The following AATF variants were observed in gnomAD, a reference collection of about 807,000 sequenced individuals.
AATF encodes the protein protein AATF.
AATF carries 48 observed loss-of-function variants against 63.7 expected under a neutral mutation model. The ratio of observed to expected loss-of-function variants is 0.75; its 90% confidence interval spans 0.60 to 0.96. AATF has a LOEUF of 0.96. AATF is among the 40% of genes least tolerant of loss of function. AATF has a pLI of 0.00. For missense variants in AATF, 639 were observed against 685.7 expected, an observed-to-expected ratio of 0.93 and a Z score of 0.76; for synonymous variants, 258 against 247.7, an observed-to-expected ratio of 1.04 and a Z score of -0.39.
intron 8 of AATF, among the ~76,000 whole-genome samples, chr17:37,001,021 CAAAGAAGAAAT>C (rs1238777650): frequency 6.6e-6 from 1 of 152,028 alleles, no homozygotes; most frequent in East Asian, 1.9e-4. Context: ...TAAAACATCA[CAAAGAAGAAAT>C]TACAGGCTGT....
chr17:36,991,646 C>T (rs1273435303), intron 8 of AATF, among the ~76,000 whole-genome samples: 1 of 148,838 alleles, frequency 6.7e-6, no homozygotes, highest in Non-Finnish European at 1.5e-5. Flanking sequence ...AGTGCAGTGG[C>T]GCAATCTCGG....
intron 11 of AATF, among the ~76,000 whole-genome samples, chr17:37,043,445 T>C (rs968192912): frequency 3.3e-5 from 5 of 152,164 alleles, no homozygotes; most frequent in African/African-American, 1.2e-4. Flanking sequence ...CCACCCCCAC[T>C]GAGCTTTCTT....
chr17:37,036,088 C>G (rs2142306837), intron 11 of AATF, among the ~76,000 whole-genome samples: 1 of 152,292 alleles, frequency 6.6e-6, no homozygotes. Flanking sequence ...CCACACTCCA[C>G]TAATTTTAAT....
intron 8 of AATF, among the ~76,000 whole-genome samples, chr17:37,011,436 G>C (rs1019966581): frequency 1.3e-5 from 2 of 152,302 alleles, no homozygotes; most frequent in South Asian, 4.1e-4. Flanking sequence ...GGTGGAGGCA[G>C]CGGAGATGGA....
intron 8 of AATF, among the ~76,000 whole-genome samples, chr17:37,003,707 T>C (rs1386672784): frequency 2.0e-5 from 3 of 151,242 alleles, no homozygotes; most frequent in Admixed American, 6.6e-5. Flanking sequence ...TCTCAAGTGA[T>C]CTGACTGCCT....
intron 8 of AATF, among the ~76,000 whole-genome samples, chr17:37,003,153 A>G (rs1015636605): frequency 6.6e-6 from 1 of 152,188 alleles, no homozygotes; most frequent in Admixed American, 6.5e-5. Flanking sequence ...TTACATTTAT[A>G]GTTCATTGAT....
chr17:37,046,284 G>A (rs73982206), intron 11 of AATF, among the ~76,000 whole-genome samples: 11,869 of 152,090 alleles, frequency 0.078, 1,576 homozygotes, highest in African/African-American at 0.27. Flanking sequence ...GGTCCTTCAC[G>A]CGGAGGAGAC....
chr17:37,029,326 C>T (rs2071534842), intron 10 of AATF, among the ~76,000 whole-genome samples: 1 of 152,046 alleles, frequency 6.6e-6, no homozygotes, highest in Non-Finnish European at 1.5e-5. Flanking sequence ...TCACTGCACC[C>T]TCTGCCTCCT....
intron 2 of AATF, 117 bp downstream of exon 2, chr17:36,950,522 A>G: frequency 1.8e-6 from 2 of 1,088,384 alleles, no homozygotes; most frequent in Non-Finnish European, 2.6e-6. Context: ...TTTTTGAGAC[A>G]GAGTTTGGCT....
At chr17:37,055,974 G>T (rs1363413999) in intron 11 of AATF, 1 of 152,280 alleles carries the variant, frequency 6.6e-6, no homozygotes, top group Non-Finnish European at 1.5e-5. Context: ...GAGTTTGAAA[G>T]TGGTCATTTA....
At chr17:36,954,980 T>C (rs941870781) in intron 4 of AATF, among the ~76,000 whole-genome samples, 2 of 152,150 alleles carry the variant, frequency 1.3e-5, no homozygotes, top group Non-Finnish European at 2.9e-5. Flanking sequence ...TATAGATATA[T>C]ATGTATAGAT....
At chr17:37,033,690 C>T (rs1266600914) in intron 11 of AATF, 1 of 154,216 alleles carries the variant, frequency 6.5e-6, no homozygotes, top group African/African-American at 2.4e-5. Flanking sequence ...ATCTTTGTGA[C>T]AGGATAATTC....
intron 4 of AATF, among the ~76,000 whole-genome samples, chr17:36,961,762 C>T (rs2070949177): frequency 6.6e-6 from 1 of 151,948 alleles, no homozygotes; most frequent in Non-Finnish European, 1.5e-5. Flanking sequence ...CAACCTCTGC[C>T]CCGCCGGGTT....
At chr17:37,047,012 G>A (rs1348871311) in intron 11 of AATF, among the ~76,000 whole-genome samples, 5 of 152,234 alleles carry the variant, frequency 3.3e-5, no homozygotes, top group South Asian at 4.1e-4. Context: ...TGCGGGGACC[G>A]TGGTGGCTTG....
intron 8 of AATF, chr17:36,998,826 A>C (rs1192897272): frequency 6.6e-6 from 1 of 152,248 alleles, no homozygotes; most frequent in African/African-American, 2.4e-5. Context: ...AGAAGAGTGA[A>C]TATCTATGCA....
intron 4 of AATF, among the ~76,000 whole-genome samples, chr17:36,972,188 T>G (rs1031612669): frequency 1.5e-4 from 23 of 152,122 alleles, no homozygotes; most frequent in African/African-American, 5.6e-4. Flanking sequence ...ATAGTGTCAT[T>G]TTTGCTTGAA....
At chr17:36,987,857 G>A (rs982912132) in intron 5 of AATF, among the ~76,000 whole-genome samples, 25 of 152,318 alleles carry the variant, frequency 1.6e-4, no homozygotes, top group Middle Eastern at 3.4e-3. Context: ...GATTAAGGTC[G>A]TAGAAATATG....
chr17:37,018,200 C>T (rs2071442511), intron 8 of AATF, among the ~76,000 whole-genome samples: 1 of 152,152 alleles, frequency 6.6e-6, no homozygotes, highest in African/African-American at 2.4e-5. Context: ...CTTCTCTTCG[C>T]CCAAGGACTT....
At chr17:37,030,355 TA>T (rs1179238042) in intron 10 of AATF, among the ~76,000 whole-genome samples, 1 of 152,224 alleles carries the variant, frequency 6.6e-6, no homozygotes, top group Non-Finnish European at 1.5e-5. Flanking sequence ...AAAATGTTCC[TA>T]AAACTTTAAA....
Sources: allele counts gnomAD v4.1 joint callset (sites outside exome capture counted in the v4.1 genomes callset), GRCh38; gene constraint gnomAD v4.1.1; transcripts MANE v1.5; gene names NCBI Gene and HGNC (gene_info 2026-07-23, HGNC 2026-07-21).